Variants in WDPCP observed in about 807,000 individuals in gnomAD.
WDPCP encodes WD repeat-containing and planar cell polarity effector protein fritz homolog.
A neutral mutation model predicts 93.1 loss-of-function variants in WDPCP; 71 were observed. That is an observed-to-expected ratio of 0.76 (90% CI 0.63 to 0.93). The LOEUF is 0.93. WDPCP is among the 40% of genes least tolerant of loss of function. The probability of loss-of-function intolerance (pLI) is 0.00; values close to 1 mark genes in which losing one functional copy is unlikely to be tolerated. For synonymous variants in WDPCP, 315 were observed against 315.0 expected (o/e 1.00, Z 0.00); for missense variants, 844 against 887.4 (o/e 0.95, Z 0.62).
At chr2:63,820,684 C>CA (rs879881040) in intron 1 of WDPCP, among the ~76,000 whole-genome samples, 6 of 151,870 alleles carry the variant, frequency 4.0e-5, no homozygotes, top group Admixed American at 2.0e-4. Context: ...TTGGTCTCTG[C>CA]AAAAAAACGT....
intron 1 of WDPCP, among the ~76,000 whole-genome samples, chr2:63,583,899 C>T (rs964001713): frequency 3.3e-5 from 5 of 151,810 alleles, no homozygotes; most frequent in South Asian, 2.1e-4. Context: ...CAAGCCCAGG[C>T]GTTCTAGACC....
At chr2:63,396,953 T>A (rs764285518) in intron 10 of WDPCP, among the ~76,000 whole-genome samples, 2 of 152,114 alleles carry the variant, frequency 1.3e-5, no homozygotes, top group African/African-American at 2.4e-5. Context: ...CTAAGTATAA[T>A]AGCCTCCATC....
chr2:63,475,639 G>C (rs1267279996), intron 6 of WDPCP, among the ~76,000 whole-genome samples: 2 of 152,052 alleles, frequency 1.3e-5, no homozygotes, highest in African/African-American at 2.4e-5. Context: ...ACAACATTGA[G>C]ACTTGTAAGT....
intron 3 of WDPCP, among the ~76,000 whole-genome samples, chr2:63,596,638 G>A (rs1452914641): frequency 6.6e-6 from 1 of 152,090 alleles, no homozygotes. Flanking sequence ...TCCTGTCTAT[G>A]CCCATTTTCA....
intron 6 of WDPCP, among the ~76,000 whole-genome samples, chr2:63,483,808 G>A (rs1700406615): frequency 6.6e-6 from 1 of 151,800 alleles, no homozygotes. Flanking sequence ...TTTATCACAA[G>A]TATATTAAAT....
upstream of WDPCP, among the ~76,000 whole-genome samples, chr2:63,828,632 A>C (rs761976578): frequency 2.2e-4 from 33 of 152,114 alleles, no homozygotes; most frequent in Non-Finnish European, 3.5e-4. Flanking sequence ...AGATGGCCCA[A>C]ATATTTTCAC....
the WDPCP span, among the ~76,000 whole-genome samples, chr2:63,839,584 A>G: frequency 6.6e-6 from 1 of 152,160 alleles, no homozygotes; most frequent in Admixed American, 6.5e-5. Context: ...CAAAACAACA[A>G]CAACAAATAA....
intron 1 of WDPCP, among the ~76,000 whole-genome samples, chr2:63,587,057 T>C (rs1380071256): frequency 2.0e-5 from 3 of 152,212 alleles, no homozygotes; most frequent in Non-Finnish European, 2.9e-5. Flanking sequence ...TAGCAGCTAG[T>C]AGAAGAATTC....
At chr2:63,403,638 AG>A (rs1346207993) in intron 10 of WDPCP, 3 of 159,336 alleles carry the variant, frequency 1.9e-5, no homozygotes, top group Non-Finnish European at 2.8e-5. Context: ...CAGTCTGGGA[AG>A]CAACAGACAC....
intron 8 of WDPCP, among the ~76,000 whole-genome samples, chr2:63,436,339 A>G (rs1208891078): frequency 6.6e-6 from 1 of 152,148 alleles, no homozygotes; most frequent in African/African-American, 2.4e-5. Context: ...ACGAAACTAG[A>G]TGGTAGTTTA....
At chr2:63,584,183 C>T (rs747796214) in intron 1 of WDPCP, among the ~76,000 whole-genome samples, 1 of 151,688 alleles carries the variant, frequency 6.6e-6, no homozygotes, top group South Asian at 2.1e-4. Flanking sequence ...GAATAAATAC[C>T]CACATACTAA....
At chr2:63,538,168 T>C (rs1704447122) in intron 1 of WDPCP, among the ~76,000 whole-genome samples, 1 of 152,128 alleles carries the variant, frequency 6.6e-6, no homozygotes, top group African/African-American at 2.4e-5. Context: ...AGTAACACAA[T>C]TCAAGCCCCT....
intron 2 of WDPCP, among the ~76,000 whole-genome samples, chr2:63,697,055 G>A (rs546720427): frequency 5.2e-4 from 79 of 152,234 alleles, no homozygotes; most frequent in African/African-American, 1.8e-3. Flanking sequence ...AATAAATTAC[G>A]CCACAACCAA....
At chr2:63,354,674 G>A (rs534616867) in intron 12 of WDPCP, among the ~76,000 whole-genome samples, 1 of 151,800 alleles carries the variant, frequency 6.6e-6, no homozygotes, top group Non-Finnish European at 1.5e-5. Context: ...ATATATGTGT[G>A]TGTGTGTACA....
Position 63,378,405 on chromosome 2 carries a change from ATC to A in WDPCP, c.1727_1728del (p.Arg576IlefsTer12), listed in dbSNP as rs1558542714. 6.2e-7 allele frequency: 1 copy of A among 1,613,134 alleles called. No homozygotes were observed. Among genetic ancestry groups the A allele is most frequent in the African/African-American group, 1.3e-5 (1 of 75,002 alleles). ...ATTCACCTGAGCAAGTGATGGAAGAATCTCCTTGCATATTTGCTGATTTGATC... is the reference window on the plus strand; with the variant it reads ...ATTCACCTGAGCAAGTGATGGAAGAATCCTTGCATATTTGCTGATTTGATC... ...YRDQISKYARRFFHHLLRYQR... is the reference protein window; with the variant it reads ...YRDQISKYARXFFHHLLRYQR... On this transcript the variant is annotated frameshift_variant, in exon 12 of 18. Transcript: ENST00000272321. LOFTEE classifies it high-confidence loss of function.
chr2:63,687,156 G>A (rs1387569709), intron 2 of WDPCP, among the ~76,000 whole-genome samples: 1 of 152,152 alleles, frequency 6.6e-6, no homozygotes, highest in Non-Finnish European at 1.5e-5. Flanking sequence ...GCCATCTTGG[G>A]CTGCATGCAG....
intron 13 of WDPCP, among the ~76,000 whole-genome samples, chr2:63,308,611 G>A (rs1253166777): frequency 1.3e-5 from 2 of 152,122 alleles, no homozygotes; most frequent in African/African-American, 4.8e-5. Context: ...GATGAAGCTG[G>A]AAACCATCAT....
At chr2:63,758,179 C>A (rs1296335861) in intron 2 of WDPCP, among the ~76,000 whole-genome samples, 1 of 151,320 alleles carries the variant, frequency 6.6e-6, no homozygotes, top group Non-Finnish European at 1.5e-5. Context: ...ATAAAGTCAA[C>A]CATCTCAACT....
At chr2:63,740,409 T>C (rs556141288) in intron 2 of WDPCP, among the ~76,000 whole-genome samples, 33 of 152,256 alleles carry the variant, frequency 2.2e-4, no homozygotes, top group Middle Eastern at 6.8e-3. Context: ...AGTGTCTTTA[T>C]CTAATTTTCA....
Sources: gnomAD v4.1 joint callset for allele counts (sites outside exome capture counted in the v4.1 genomes callset) on GRCh38, gnomAD v4.1.1 for gene constraint, MANE v1.5 for transcripts, NCBI Gene and HGNC (gene_info 2026-07-23, HGNC 2026-07-21) for gene names.